Variants in SMAD2 observed in about 807,000 individuals in gnomAD.
The protein encoded by SMAD2 is MAD homolog 2.
A neutral mutation model predicts 64.4 loss-of-function variants in SMAD2; 8 were observed. The ratio of observed to expected loss-of-function variants is 0.12; its 90% confidence interval spans 0.07 to 0.22. SMAD2 has a LOEUF of 0.22. Among genes scored for constraint, SMAD2 ranks in the 10% least tolerant of loss-of-function variants. The probability of loss-of-function intolerance (pLI) is 1.00; values close to 1 mark genes in which losing one functional copy is unlikely to be tolerated. For synonymous variants in SMAD2, 203 were observed against 195.8 expected, an observed-to-expected ratio of 1.04 and a Z score of -0.31; for missense variants, 289 against 561.2, an observed-to-expected ratio of 0.51 and a Z score of 4.90.
chr18:47,846,353 G>A (rs1914487118), intron 8 of SMAD2, among the ~76,000 whole-genome samples: 2 of 152,008 alleles, frequency 1.3e-5, no homozygotes, highest in African/African-American at 4.8e-5. Context: ...GATCACAGAT[G>A]CAAAATAATA....
intron 2 of SMAD2, among the ~76,000 whole-genome samples, chr18:47,887,464 A>T (rs1216195589): frequency 9.2e-5 from 14 of 151,644 alleles, no homozygotes; most frequent in Non-Finnish European, 1.6e-4. Flanking sequence ...TGGAGGTTGG[A>T]AGTCCAAATG....
intron 1 of SMAD2, among the ~76,000 whole-genome samples, chr18:47,911,896 CA>C (rs1406472299): frequency 6.6e-6 from 1 of 152,138 alleles, no homozygotes; most frequent in Non-Finnish European, 1.5e-5. Flanking sequence ...TATCAGGCAG[CA>C]AAAAGTGTAC....
chr18:47,845,049 T>A (rs2144285829), intron 10 of SMAD2: 1 of 578,056 alleles, frequency 1.7e-6, no homozygotes, highest in Non-Finnish European at 3.0e-6. Context: ...TGTGCAAACA[T>A]CTCTCCTTCC....
At position 47,887,826 on chromosome 18, in the gene SMAD2, G is replaced by C. The variant is rs1007715034; in HGVS notation, c.236+8695C>G. 2.0e-5 allele frequency among the ~76,000 whole-genome samples: 3 copies of C among 152,096 alleles called. No homozygotes were observed. In the South Asian group the frequency reaches 6.2e-4, roughly 32 times the overall value. On this transcript the variant is annotated intron_variant, in intron 2 of 10. Coordinates refer to ENST00000262160, the MANE Select transcript of SMAD2 (RefSeq NM_005901.6). ...ACACATGTCAAACTGAGAAGTTCTC[G>C]TCAAGTCCTTCAAATTGGATTAACA...
intron 5 of SMAD2, chr18:47,866,853 A>G (rs368702134): frequency 1.3e-5 from 2 of 152,236 alleles, no homozygotes; most frequent in East Asian, 1.9e-4. Context: ...TCAAATCTCA[A>G]TAATTAAAGG....
At chr18:47,872,558 G>A (rs981965399) in intron 2 of SMAD2, among the ~76,000 whole-genome samples, 10 of 152,040 alleles carry the variant, frequency 6.6e-5, no homozygotes, top group Non-Finnish European at 1.3e-4. Flanking sequence ...GACTGATACC[G>A]GTCCACGGCC....
Position 47,823,965 on chromosome 18 carries a change from T to A in SMAD2, c.*17862A>T, listed in dbSNP as rs1344230055. 1 of 152,164 alleles carries A rather than the reference T, an allele frequency of 6.6e-6. No homozygotes were observed. The highest frequency in any genetic ancestry group is 2.4e-5 in the African/African-American group (1 of 41,438). The allele number at this position is 152,164 out of a possible 1,614,324, so 9.4% of individuals were successfully genotyped here. A position where few individuals can be genotyped will look rare whatever the true frequency, so the allele number is the denominator to read the frequency against. On this transcript the variant is annotated 3_prime_UTR_variant, in exon 11 of 11. Transcript: ENST00000262160. ...ATTGGACTTAATAATAGACTCCAGGTGGACTTAGCCTAAGTGCCACTCCCT... is the reference window on the plus strand; with the variant it reads ...ATTGGACTTAATAATAGACTCCAGGAGGACTTAGCCTAAGTGCCACTCCCT...
Position 47,836,617 on chromosome 18 carries a change from A to C in SMAD2, c.*5210T>G, listed in dbSNP as rs1913436033. The C allele has an allele frequency of 4.7e-6, 1 of 213,684 alleles. No homozygotes were observed. The highest frequency in any genetic ancestry group is 2.3e-5 in the African/African-American group (1 of 44,210). The allele number at this position is 213,684 out of a possible 1,614,324, so 13.2% of individuals were successfully genotyped here. ...AGTTTGTCTATGAGTGTATATGTATATATAAATTCATACACATATATTATT... is the reference window on the plus strand; with the variant it reads ...AGTTTGTCTATGAGTGTATATGTATCTATAAATTCATACACATATATTATT... On this transcript the variant is annotated 3_prime_UTR_variant, in exon 11 of 11. Transcript: ENST00000262160.
rs537741016 is a variant in SMAD2 at position 47,864,137 on chromosome 18, T to A, written c.730+922A>T. Reference sequence around the variant, plus strand: ...TAAAACATATGTGGAAAGTCAAATATTATTTGCATTAAGATGTATAACACG... The same window carrying A: ...TAAAACATATGTGGAAAGTCAAATAATATTTGCATTAAGATGTATAACACG... On this transcript the variant is annotated intron_variant, in intron 6 of 10. Coordinates refer to ENST00000262160, the MANE Select transcript of SMAD2 (RefSeq NM_005901.6). Among the ~76,000 whole-genome samples, 7 of 152,304 alleles carry A rather than the reference T, an allele frequency of 4.6e-5. No homozygotes were observed. The South Asian group carries it at 1.2e-3, about 27-fold the overall frequency.
At chr18:47,868,229 T>TA in intron 5 of SMAD2, 94 bp downstream of exon 5, 1 of 1,112,870 alleles carries the variant, frequency 9.0e-7, no homozygotes, top group Non-Finnish European at 1.4e-6. Context: ...AAAGCATTTT[T>TA]AAAAAAGTGA....
At chr18:47,882,234 C>T (rs1480399175) in intron 2 of SMAD2, 2 of 151,734 alleles carry the variant, frequency 1.3e-5, no homozygotes, top group African/African-American at 2.4e-5. Context: ...CCCAATGTCT[C>T]ATGCAGGCTG....
rs369906968 is a variant in SMAD2 at position 47,928,161 on chromosome 18, T to C, written c.-54+2200A>G. ...ATGAATAAATCTCCATCTGCCAGAC[T>C]GCACTAAATACAGCTTTTATATGCA... On this transcript the variant is annotated intron_variant, in intron 1 of 10. Coordinates refer to ENST00000262160, the MANE Select transcript of SMAD2 (RefSeq NM_005901.6). Among the ~76,000 whole-genome samples, 11 of 152,280 alleles carry C rather than the reference T, an allele frequency of 7.2e-5. No homozygotes were observed. The East Asian group carries it at 1.5e-3, about 21-fold the overall frequency.
In SMAD2 at chr18:47,835,322, T is replaced by C. The variant is rs998030074; in HGVS notation, c.*6505A>G. ...TACCTACTTGTCATGTGTGAATTATTTCTCACAATTTTAATTAATCTGTGT... is the reference window on the plus strand; with the variant it reads ...TACCTACTTGTCATGTGTGAATTATCTCTCACAATTTTAATTAATCTGTGT... On this transcript the variant is annotated 3_prime_UTR_variant, in exon 11 of 11. Coordinates refer to ENST00000262160, the MANE Select transcript of SMAD2 (RefSeq NM_005901.6). 9.8e-6 allele frequency: 2 copies of C among 205,094 alleles called. No individual in the cohort carries two copies. The highest frequency in any genetic ancestry group is 2.0e-5 in the Non-Finnish European group (2 of 100,236). 12.7% of individuals were successfully genotyped at this position (205,094 alleles called of 1,614,324 possible).
At chr18:47,877,619 T>C (rs2032340048) in intron 2 of SMAD2, among the ~76,000 whole-genome samples, 1 of 152,174 alleles carries the variant, frequency 6.6e-6, no homozygotes, top group Non-Finnish European at 1.5e-5. Flanking sequence ...ACAATGTGAC[T>C]ACTTTGATTA....
At chr18:47,842,495 A>T (rs971853175) in intron 10 of SMAD2, among the ~76,000 whole-genome samples, 2 of 151,984 alleles carry the variant, frequency 1.3e-5, no homozygotes, top group African/African-American at 4.8e-5. Flanking sequence ...AGCCGAGATC[A>T]TGCCACTGCA....
chr18:47,908,692 G>A (rs887947152), intron 1 of SMAD2, among the ~76,000 whole-genome samples: 2 of 152,176 alleles, frequency 1.3e-5, no homozygotes, highest in African/African-American at 4.8e-5. Context: ...AGTACATACT[G>A]TACTACTGTA....
intron 2 of SMAD2, among the ~76,000 whole-genome samples, chr18:47,877,059 T>A (rs990993823): frequency 1.3e-5 from 2 of 152,092 alleles, no homozygotes; most frequent in Non-Finnish European, 2.9e-5. Context: ...CTACCATATC[T>A]GCAAGATTTA....
intron 1 of SMAD2, among the ~76,000 whole-genome samples, chr18:47,924,198 A>G (rs1285032717): frequency 6.6e-6 from 1 of 150,460 alleles, no homozygotes. Flanking sequence ...CAGTGAGCCA[A>G]GATCGCACCA....
intron 10 of SMAD2, 80 bp from the exon 11 acceptor site, chr18:47,842,030 A>G: frequency 6.9e-7 from 1 of 1,459,344 alleles, no homozygotes; most frequent in South Asian, 1.2e-5. Context: ...GGTACACTGC[A>G]TTAAAAATTT....
Sources: allele counts gnomAD v4.1 joint callset (sites outside exome capture counted in the v4.1 genomes callset), GRCh38; gene constraint gnomAD v4.1.1; transcripts MANE v1.5; gene names NCBI Gene and HGNC (gene_info 2026-07-23, HGNC 2026-07-21).